CCSER1: variants seen among roughly 807,000 people sequenced by gnomAD.
The protein encoded by CCSER1 is serine-rich coiled-coil domain-containing protein 1.
CCSER1 carries 41 observed loss-of-function variants against 82.0 expected under a neutral mutation model. The observed-to-expected ratio is 0.50, with a 90% confidence interval of 0.39 to 0.65. The LOEUF (loss-of-function observed/expected upper bound fraction) is 0.65. Among genes scored for constraint, CCSER1 ranks in the 30% least tolerant of loss-of-function variants. CCSER1 has a pLI of 0.00. For synonymous variants in CCSER1, 414 were observed against 383.9 expected (o/e 1.08, Z -0.92); for missense variants, 1,119 against 1,064.2 (o/e 1.05, Z -0.72).
chr4:90,641,899 TA>T, intron 6 of CCSER1: 1 of 281,118 alleles, frequency 3.6e-6, no homozygotes, highest in Non-Finnish European at 8.0e-6. Context: ...ATTAATCAAA[TA>T]ACCACTAATG....
At chr4:91,109,987 T>C (rs1256671528) in intron 10 of CCSER1, among the ~76,000 whole-genome samples, 1 of 152,134 alleles carries the variant, frequency 6.6e-6, no homozygotes, top group African/African-American at 2.4e-5. Flanking sequence ...TTAAACTTTT[T>C]ATATAGCACG....
chr4:90,875,984 T>A (rs1179977698), intron 8 of CCSER1, among the ~76,000 whole-genome samples: 1 of 152,186 alleles, frequency 6.6e-6, no homozygotes, highest in Non-Finnish European at 1.5e-5. Context: ...TAGCACATTT[T>A]AAAAATCATG....
intron 7 of CCSER1, among the ~76,000 whole-genome samples, chr4:90,758,274 A>C (rs1749874361): frequency 6.6e-6 from 1 of 152,152 alleles, no homozygotes; most frequent in Non-Finnish European, 1.5e-5. Flanking sequence ...TAAGAAGAAA[A>C]TAACTGAATT....
chr4:90,969,472 T>C (rs1734879406), intron 9 of CCSER1, among the ~76,000 whole-genome samples: 1 of 151,996 alleles, frequency 6.6e-6, no homozygotes, highest in South Asian at 2.1e-4. Flanking sequence ...AGCAGAAAGC[T>C]TCCAGTCTAG....
At chr4:90,594,608 T>C (rs982104513) in intron 5 of CCSER1, among the ~76,000 whole-genome samples, 2 of 152,140 alleles carry the variant, frequency 1.3e-5, no homozygotes, top group Non-Finnish European at 2.9e-5. Context: ...TTCTTCACTA[T>C]ATTATGTCTC....
chr4:91,409,234 C>G (rs1752884035), intron 10 of CCSER1, among the ~76,000 whole-genome samples: 1 of 152,162 alleles, frequency 6.6e-6, no homozygotes, highest in Admixed American at 6.5e-5. Flanking sequence ...TTAAATGGTT[C>G]ATTTTTGATG....
At chr4:90,153,407 G>A (rs1360344066) in intron 1 of CCSER1, among the ~76,000 whole-genome samples, 2 of 152,064 alleles carry the variant, frequency 1.3e-5, no homozygotes, top group South Asian at 4.2e-4. Context: ...ACCCAGTAAT[G>A]GGATGGCTGG....
At position 90,308,514 on chromosome 4, in the gene CCSER1, A is replaced by G; in HGVS notation, c.230A>G (p.Glu77Gly). The change falls in exon 2 of 11, where the codon GAG (glutamate) becomes GGG (glycine). Residue 77 changes from glutamate (E) to glycine (G), a missense_variant. Coordinates refer to ENST00000509176, the MANE Select transcript of CCSER1 (RefSeq NM_001145065.2). ...SISFHHKKGS[E>G]PKQEPTNQNL... ...AGCTTCCACCATAAGAAGGGGAGTGAGCCTAAGCAAGAGCCTACCAACCAG... is the reference window on the plus strand; with the variant it reads ...AGCTTCCACCATAAGAAGGGGAGTGGGCCTAAGCAAGAGCCTACCAACCAG... 1 of 1,613,942 alleles carries G rather than the reference A, an allele frequency of 6.2e-7. No individual in the cohort carries two copies. The highest frequency in any genetic ancestry group is 8.5e-7 in the Non-Finnish European group (1 of 1,179,866).
At chr4:90,390,610 C>T (rs1294765788) in intron 3 of CCSER1, among the ~76,000 whole-genome samples, 1 of 152,166 alleles carries the variant, frequency 6.6e-6, no homozygotes, top group East Asian at 1.9e-4. Context: ...AAAAGACATG[C>T]TTTTGTCCTT....
intron 5 of CCSER1, among the ~76,000 whole-genome samples, chr4:90,587,396 G>C (rs1404853915): frequency 6.6e-6 from 1 of 152,174 alleles, no homozygotes; most frequent in Non-Finnish European, 1.5e-5. Flanking sequence ...CAGATCACGA[G>C]GTCAAGAGAT....
intron 10 of CCSER1, among the ~76,000 whole-genome samples, chr4:91,128,515 G>A (rs1727705958): frequency 6.6e-6 from 1 of 152,024 alleles, no homozygotes; most frequent in Admixed American, 6.6e-5. Context: ...TATGCATGAT[G>A]TAATTGCTAA....
intron 10 of CCSER1, among the ~76,000 whole-genome samples, chr4:91,225,026 A>T (rs1344701224): frequency 1.3e-5 from 2 of 150,564 alleles, no homozygotes; most frequent in Non-Finnish European, 3.0e-5. Flanking sequence ...TCAATATTTT[A>T]AACATATATA....
intron 8 of CCSER1, among the ~76,000 whole-genome samples, chr4:90,855,367 A>G (rs1764342111): frequency 6.6e-6 from 1 of 152,114 alleles, no homozygotes; most frequent in Admixed American, 6.6e-5. Context: ...CTATTTCTTT[A>G]TTTTTAGTTT....
intron 4 of CCSER1, among the ~76,000 whole-genome samples, chr4:90,467,911 G>C (rs994471916): frequency 6.6e-6 from 1 of 152,104 alleles, no homozygotes; most frequent in African/African-American, 2.4e-5. Flanking sequence ...AGCAGGTGTG[G>C]TCATGTTGCA....
intron 5 of CCSER1, among the ~76,000 whole-genome samples, chr4:90,592,810 G>T (rs1033458698): frequency 6.6e-6 from 1 of 151,976 alleles, no homozygotes; most frequent in Admixed American, 6.6e-5. Flanking sequence ...TCCATACTGG[G>T]CTATGTGATA....
At chr4:91,356,453 G>A (rs112179150) in intron 10 of CCSER1, among the ~76,000 whole-genome samples, 1 of 152,172 alleles carries the variant, frequency 6.6e-6, no homozygotes, top group African/African-American at 2.4e-5. Flanking sequence ...GGTATTCCTT[G>A]TGGGGCTCCA....
intron 7 of CCSER1, among the ~76,000 whole-genome samples, chr4:90,758,724 G>T (rs927697851): frequency 1.3e-5 from 2 of 152,118 alleles, no homozygotes; most frequent in Admixed American, 1.3e-4. Flanking sequence ...ATAGGCTATT[G>T]TGTGTGATTC....
intron 7 of CCSER1, chr4:90,727,121 A>G (rs568354905): frequency 1.0e-5 from 4 of 395,432 alleles, no homozygotes; most frequent in African/African-American, 6.3e-5. Flanking sequence ...AGATTCTTTT[A>G]CCTTTATAAA....
At chr4:91,311,627 T>G (rs1181856787) in intron 10 of CCSER1, among the ~76,000 whole-genome samples, 1 of 151,974 alleles carries the variant, frequency 6.6e-6, no homozygotes, top group Non-Finnish European at 1.5e-5. Context: ...TAGCTGTCTG[T>G]ATTTCTAGTA....
Sources: allele counts gnomAD v4.1 joint callset (sites outside exome capture counted in the v4.1 genomes callset), GRCh38; gene constraint gnomAD v4.1.1; transcripts MANE v1.5; gene names NCBI Gene and HGNC (gene_info 2026-07-23, HGNC 2026-07-21).